Variants in EXOC3L2 observed in about 807,000 individuals in gnomAD.
EXOC3L2 encodes the protein exocyst complex component 3-like protein 2.
In EXOC3L2, 17 loss-of-function variants were observed where a neutral mutation model predicts 44.4. The observed-to-expected ratio is 0.38, with a 90% confidence interval of 0.26 to 0.57. The LOEUF is 0.57. Among genes scored for constraint, EXOC3L2 ranks in the 20% least tolerant of loss-of-function variants. The pLI is 0.65. For synonymous variants in EXOC3L2, 256 were observed against 253.7 expected, an observed-to-expected ratio of 1.01 and a Z score of -0.09; for missense variants, 541 against 588.4, an observed-to-expected ratio of 0.92 and a Z score of 0.83.
chr19:45,216,107 C>T lies in EXOC3L2; in HGVS notation c.2086G>A (p.Val696Met), dbSNP rs775039612. Residue 696 changes from valine (V) to methionine (M), a missense_variant, in exon 11 of 12, where the codon GTG becomes ATG. Coordinates refer to ENST00000413988, the MANE Select transcript of EXOC3L2 (RefSeq NM_001382422.1). ...GGGTAGTCGCGCACCAACACTCCCA[C>T]CTCCACCTGGATGCTGGGCGTGTCT... ...LEDTPSIQVE[V>M]GVLVRDYPDI... The T allele has an allele frequency of 5.6e-6, 9 of 1,614,000 alleles. No homozygotes were observed. Among genetic ancestry groups the T allele is most frequent in the Non-Finnish European group, 7.6e-6 (9 of 1,179,982 alleles).
chr19:45,217,574 C>T lies in EXOC3L2; in HGVS notation c.1952G>A (p.Arg651Lys). The change falls in exon 10 of 12, where the codon AGG (arginine) becomes AAG (lysine). Residue 651 changes from arginine (R) to lysine (K), a missense_variant. Coordinates refer to ENST00000413988, the MANE Select transcript of EXOC3L2 (RefSeq NM_001382422.1). The part of the protein sequence containing the change: ...SARTRSRVAG[R>K]LREDAAQLQR... ...CAGTTGCGCCGCGTCCTCCCGGAGC[C>T]TGCCGGCCACGCGGCTGCGGGTCCG... The T allele has an allele frequency of 1.9e-6, 3 of 1,553,856 alleles. No individual in the cohort carries two copies. Among genetic ancestry groups the T allele is most frequent in the Non-Finnish European group, 2.6e-6 (3 of 1,157,116 alleles).
At chr19:45,213,401 T>C in intron 11 of EXOC3L2, 44 bp from the exon 12 acceptor site, 1 of 1,603,080 alleles carries the variant, frequency 6.2e-7, no homozygotes. Flanking sequence ...TCCCCAGCTC[T>C]AGACACACAC....
At chr19:45,242,397 G>A (rs564980679) in intron 1 of EXOC3L2, among the ~76,000 whole-genome samples, 2 of 151,810 alleles carry the variant, frequency 1.3e-5, no homozygotes, top group Admixed American at 6.6e-5. Flanking sequence ...CCCAAGCAAC[G>A]GGGACATCCT....
chr19:45,215,016 C>T (rs1329500383), intron 11 of EXOC3L2, among the ~76,000 whole-genome samples: 3 of 151,732 alleles, frequency 2.0e-5, no homozygotes, highest in African/African-American at 7.3e-5. Context: ...ATTAGCCGGG[C>T]GTGGTGGCAC....
At chr19:45,242,739 G>A (rs1392076704) in intron 1 of EXOC3L2, among the ~76,000 whole-genome samples, 1 of 151,832 alleles carries the variant, frequency 6.6e-6, no homozygotes, top group African/African-American at 2.4e-5. Context: ...GCGGGTGCCT[G>A]TAGTCCTAGC....
chr19:45,218,158 T>TACCC, intron 9 of EXOC3L2, 39 bp downstream of exon 9: 76 of 1,034,886 alleles, frequency 7.3e-5, no homozygotes, highest in Non-Finnish European at 9.1e-5. Flanking sequence ...TCCCCTCTTT[T>TACCC]CCCCCACCCC....
Position 45,213,109 on chromosome 19 carries a change from G to T in EXOC3L2, c.2369C>A (p.Pro790His). 6.5e-7 allele frequency: 1 copy of T among 1,544,004 alleles called. No individual in the cohort carries two copies. The highest frequency in any genetic ancestry group is 2.3e-5 in the East Asian group (1 of 43,000). ...AGGTCGCGCTAGAGACGGAGGCCGGGGCCGAGGCAGACAGGCCAAACTGGG... is the reference window on the plus strand; with the variant it reads ...AGGTCGCGCTAGAGACGGAGGCCGGTGCCGAGGCAGACAGGCCAAACTGGG... ...ARPSLACLPR[P>H]RPPSLARPRA... The change falls in exon 12 of 12, where the codon CCC becomes CAC. Residue 790 changes from proline to histidine, a missense_variant. Pro to His is a moderately conservative substitution (Grantham distance 77, BLOSUM62 -2). Coordinates refer to ENST00000413988, the MANE Select transcript of EXOC3L2 (RefSeq NM_001382422.1).
intron 4 of EXOC3L2, among the ~76,000 whole-genome samples, 156 bp from the exon 5 acceptor site, chr19:45,228,422 G>A (rs1969991087): frequency 6.6e-6 from 1 of 152,068 alleles, no homozygotes; most frequent in African/African-American, 2.4e-5. Flanking sequence ...GAGGGAGGCT[G>A]AGCCAGAAAA....
chr19:45,213,446 C>A, intron 11 of EXOC3L2, 89 bp from the exon 12 acceptor site: 2 of 1,516,274 alleles, frequency 1.3e-6, no homozygotes, highest in East Asian at 2.3e-5. Flanking sequence ...GACCCCCTCA[C>A]CTATCCCAGA....
At position 45,233,210 on chromosome 19, in the gene EXOC3L2, C is replaced by T. The variant is rs574026790; in HGVS notation, c.1157+983G>A. ...CAGCTTGGGCGACAGAGCAAGACTC[C>T]GTCTCAAAATAAATAAATAAATAAA... On this transcript the variant is annotated intron_variant, in intron 3 of 11. Transcript: ENST00000413988. Among the ~76,000 whole-genome samples, 27 of 151,090 alleles carry T rather than the reference C, an allele frequency of 1.8e-4. No homozygotes were observed. The South Asian group carries it at 4.6e-3, about 26-fold the overall frequency.
chr19:45,239,160 A>C (rs1007468656), intron 1 of EXOC3L2, 99 bp from the exon 2 acceptor site: 39 of 393,338 alleles, frequency 9.9e-5, no homozygotes, highest in East Asian at 9.3e-4. Context: ...AGCGTACCAG[A>C]CACTTGCCTG....
chr19:45,221,313 G>A (rs1969895120), intron 8 of EXOC3L2, among the ~76,000 whole-genome samples: 2 of 151,376 alleles, frequency 1.3e-5, no homozygotes, highest in African/African-American at 4.9e-5. Context: ...CAAAGTGCTG[G>A]GATTACAGGT....
At chr19:45,245,320 C>T (rs1423803956) in intron 1 of EXOC3L2, 21 bp downstream of exon 1, 1 of 152,370 alleles carries the variant, frequency 6.6e-6, no homozygotes, top group Non-Finnish European at 1.5e-5. Flanking sequence ...GACCCCTTCC[C>T]CCTGTCCCCA....
intron 8 of EXOC3L2, among the ~76,000 whole-genome samples, chr19:45,219,433 TA>T (rs1181171902): frequency 6.9e-6 from 1 of 144,014 alleles, no homozygotes; most frequent in Non-Finnish European, 1.5e-5. Context: ...GTAAGAACTT[TA>T]AGACATATTT....
Position 45,224,831 on chromosome 19 carries a change from C to T in EXOC3L2, c.1666G>A (p.Val556Met), listed in dbSNP as rs200984629. The T allele has an allele frequency of 3.8e-6, 6 of 1,594,876 alleles. No homozygotes were observed. The Admixed American group carries it at 5.3e-5, about 14-fold the overall frequency. Residue 556 changes from valine (V) to methionine (M), a missense_variant, in exon 8 of 12, where the codon GTG becomes ATG. Physicochemically the swap from Val to Met is conservative, Grantham distance 21 (BLOSUM62 1). Transcript: ENST00000413988. ...ACGACACGGTGGCAGAGCCGGGTCACATGGTCCAGAGCACTAGCAGATGCT... is the reference window on the plus strand; with the variant it reads ...ACGACACGGTGGCAGAGCCGGGTCATATGGTCCAGAGCACTAGCAGATGCT... ...REASASALDH[V>M]TRLCHRVVAN...
At chr19:45,241,101 C>T (rs1179671131) in intron 1 of EXOC3L2, among the ~76,000 whole-genome samples, 2 of 152,092 alleles carry the variant, frequency 1.3e-5, no homozygotes, top group Non-Finnish European at 2.9e-5. Flanking sequence ...GCCCCTACCC[C>T]AAGCGGAACC....
Position 45,216,064 on chromosome 19 carries a change from G to A in EXOC3L2, c.2120+9C>T. On this transcript the variant is annotated intron_variant, in intron 11 of 11. Transcript: ENST00000413988. ...CACGGCGAGCCCTGGCCCAGGCGGG[G>A]TGTCTCACCTGATGTCTGGGTAGTC... is the stretch of plus-strand genomic sequence containing the variant. 1 of 1,613,604 alleles carries A rather than the reference G, an allele frequency of 6.2e-7. No individual in the cohort carries two copies. Among genetic ancestry groups the A allele is most frequent in the Non-Finnish European group, 8.5e-7 (1 of 1,179,802 alleles).
intron 11 of EXOC3L2, among the ~76,000 whole-genome samples, chr19:45,214,231 G>T (rs1206462510): frequency 6.6e-6 from 1 of 152,088 alleles, no homozygotes; most frequent in Non-Finnish European, 1.5e-5. Flanking sequence ...TGACCACCCT[G>T]AATCAATTCC....
chr19:45,224,368 G>A (rs1309532686), intron 8 of EXOC3L2, among the ~76,000 whole-genome samples: 1 of 152,012 alleles, frequency 6.6e-6, no homozygotes, highest in Non-Finnish European at 1.5e-5. Flanking sequence ...TTGTGTTACG[G>A]CCAGGAACAC....
Sources: gnomAD v4.1 joint callset for allele counts (sites outside exome capture counted in the v4.1 genomes callset) on GRCh38, gnomAD v4.1.1 for gene constraint, MANE v1.5 for transcripts, NCBI Gene and HGNC (gene_info 2026-07-23, HGNC 2026-07-21) for gene names.